The following NEDD4L variants were observed in gnomAD, a reference collection of about 807,000 sequenced individuals.
NEDD4L encodes NEDD4 like E3 ubiquitin protein ligase, also known as E3 ubiquitin-protein ligase NEDD4-like.
NEDD4L carries 54 observed loss-of-function variants against 148.9 expected under a neutral mutation model. The ratio of observed to expected loss-of-function variants is 0.36; its 90% confidence interval spans 0.29 to 0.45. The LOEUF is 0.45. Among genes scored for constraint, NEDD4L ranks in the 20% least tolerant of loss-of-function variants. NEDD4L has a pLI of 1.00. For missense variants in NEDD4L, 856 were observed against 1,233.8 expected (o/e 0.69, Z 4.59); for synonymous variants, 433 against 440.7 (o/e 0.98, Z 0.22).
intron 23 of NEDD4L, chr18:58,371,503 C>T (rs937656773): frequency 2.6e-5 from 4 of 152,192 alleles, no homozygotes; most frequent in Non-Finnish European, 4.4e-5. Flanking sequence ...CTGGGAAGCG[C>T]GTTTGTCCAT....
At chr18:58,341,229 C>T (rs893406217) in intron 14 of NEDD4L, 60 bp downstream of exon 14, 92 of 1,572,922 alleles carry the variant, frequency 5.8e-5, no homozygotes, top group Non-Finnish European at 7.4e-5. Context: ...TGTACATGAC[C>T]GAACTCCTTT....
chr18:58,229,474 C>G (rs1428620573), intron 2 of NEDD4L, among the ~76,000 whole-genome samples: 2 of 152,140 alleles, frequency 1.3e-5, no homozygotes, highest in Admixed American at 6.5e-5. Flanking sequence ...TGGGGGGGAG[C>G]TCATGTCTCT....
In NEDD4L at chr18:58,325,195, A is replaced by C. The variant is rs1442256198; in HGVS notation, c.680+33A>C. 4.3e-6 allele frequency: 7 copies of C among 1,611,536 alleles called. No individual in the cohort carries two copies. In the East Asian group the frequency reaches 1.6e-4, roughly 36 times the overall value. On this transcript the variant is annotated intron_variant, in intron 9 of 30. Transcript: ENST00000400345. ...CCGTGTGATGGTCAGGAACACGTGC[A>C]CGTGCACTGCACAGCTAGGGACAAA...
intron 1 of NEDD4L, among the ~76,000 whole-genome samples, chr18:58,082,030 G>GGAC (rs2083458878): frequency 6.9e-6 from 1 of 144,004 alleles, no homozygotes; most frequent in African/African-American, 2.6e-5. Flanking sequence ...TTGTAATCCA[G>GGAC]GACTAAATAT....
chr18:58,237,846 G>A (rs567097146), intron 2 of NEDD4L, among the ~76,000 whole-genome samples: 2 of 152,278 alleles, frequency 1.3e-5, no homozygotes, highest in Admixed American at 1.3e-4. Flanking sequence ...CCAAGGTTGG[G>A]ACCCTCAAGT....
chr18:58,200,341 T>G (rs1462916052), intron 2 of NEDD4L, among the ~76,000 whole-genome samples: 1 of 152,238 alleles, frequency 6.6e-6, no homozygotes, highest in African/African-American at 2.4e-5. Context: ...TGAAATACTG[T>G]CAACTGGAAG....
chr18:58,063,287 G>T, intron 1 of NEDD4L, among the ~76,000 whole-genome samples: 1 of 151,570 alleles, frequency 6.6e-6, no homozygotes, highest in East Asian at 1.9e-4. Flanking sequence ...GAACTCCTGG[G>T]CTCAGGCAGT....
At chr18:58,281,070 T>C (rs1033683961) in intron 5 of NEDD4L, among the ~76,000 whole-genome samples, 1 of 152,172 alleles carries the variant, frequency 6.6e-6, no homozygotes, top group African/African-American at 2.4e-5. Context: ...CTTGAACTCC[T>C]GGGCTCAAGC....
intron 1 of NEDD4L, among the ~76,000 whole-genome samples, chr18:58,064,165 C>T (rs544384747): frequency 3.3e-5 from 5 of 151,246 alleles, no homozygotes; most frequent in African/African-American, 1.2e-4. Flanking sequence ...GGGGTTTCAC[C>T]GTGTTAGCCA....
At chr18:58,255,829 G>C (rs1303119280) in intron 5 of NEDD4L, 2 of 1,232,520 alleles carry the variant, frequency 1.6e-6, no homozygotes, top group East Asian at 6.3e-5. Context: ...AGGGAGGCGT[G>C]GGTGCGCTTA....
In NEDD4L at chr18:58,366,270, C is replaced by T. The variant is rs371255203; in HGVS notation, c.2063+42C>T. The T allele has an allele frequency of 4.9e-5, 65 of 1,340,146 alleles. No individual in the cohort carries two copies. Among genetic ancestry groups the T allele is most frequent in the Non-Finnish European group, 6.4e-5 (62 of 975,938 alleles). 83.0% of individuals were successfully genotyped at this position (1,340,146 alleles called of 1,614,324 possible). A position where few individuals can be genotyped will look rare whatever the true frequency, so the allele number is the denominator to read the frequency against. ...ACCCAGTGTGTGTCCCCCACTGAGA[C>T]AGTTGTATGAATTTAAACAGAATGA... On this transcript the variant is annotated intron_variant, in intron 21 of 30. Coordinates refer to ENST00000400345, the MANE Select transcript of NEDD4L (RefSeq NM_001144967.3). This position sits in a 1 kb window ranked among gnomAD's most constrained non-coding sequence, Gnocchi z 4.2.
chr18:58,349,709 C>A, intron 17 of NEDD4L, 95 bp downstream of exon 17: 1 of 950,134 alleles, frequency 1.1e-6, no homozygotes, highest in Non-Finnish European at 1.7e-6. Flanking sequence ...TTCTCTATCT[C>A]CAGGCTTTGT....
intron 24 of NEDD4L, among the ~76,000 whole-genome samples, chr18:58,382,551 G>A (rs538387972): frequency 1.3e-3 from 205 of 152,150 alleles, no homozygotes; most frequent in African/African-American, 4.5e-3. Flanking sequence ...AAAATAGTAG[G>A]CCTCTCTCCC....
At chr18:58,379,476 T>C (rs2048039320) in intron 24 of NEDD4L, among the ~76,000 whole-genome samples, 1 of 152,066 alleles carries the variant, frequency 6.6e-6, no homozygotes, top group African/African-American at 2.4e-5. Flanking sequence ...AAGGGACAAA[T>C]TTGGGCGAAA....
intron 2 of NEDD4L, among the ~76,000 whole-genome samples, chr18:58,219,069 A>AT (rs2043457119): frequency 6.6e-6 from 1 of 152,048 alleles, no homozygotes; most frequent in South Asian, 2.1e-4. Context: ...CAGGCTTAAC[A>AT]TTTTTTCATT....
intron 5 of NEDD4L, among the ~76,000 whole-genome samples, chr18:58,262,267 A>G (rs1216168585): frequency 6.6e-6 from 1 of 152,238 alleles, no homozygotes; most frequent in Non-Finnish European, 1.5e-5. Context: ...ATTTTTAGAA[A>G]TAATCTTCGT....
At chr18:58,279,761 G>A (rs1294818714) in intron 5 of NEDD4L, among the ~76,000 whole-genome samples, 1 of 152,210 alleles carries the variant, frequency 6.6e-6, no homozygotes, top group Non-Finnish European at 1.5e-5. Flanking sequence ...CTCTAAATCA[G>A]GAGTGAGCAA....
Position 58,224,250 on chromosome 18 carries a change from C to A in NEDD4L, c.123-21177C>A, listed in dbSNP as rs574194866. Reference sequence around the variant, plus strand: ...TCTGACTAAGGTCAGTGACTGGAAACCCTGTCACGTTATCAGAGGTCATTT... The same window carrying A: ...TCTGACTAAGGTCAGTGACTGGAAAACCTGTCACGTTATCAGAGGTCATTT... On this transcript the variant is annotated intron_variant, in intron 2 of 30. Transcript: ENST00000400345. Among the ~76,000 whole-genome samples the A allele has an allele frequency of 2.0e-5, 3 of 152,328 alleles. No homozygotes were observed. In the South Asian group the frequency reaches 6.2e-4, roughly 32 times the overall value.
At chr18:58,378,591 G>T (rs918820564) in intron 24 of NEDD4L, among the ~76,000 whole-genome samples, 2 of 152,204 alleles carry the variant, frequency 1.3e-5, no homozygotes, top group African/African-American at 4.8e-5. Context: ...CCCTGCTGTC[G>T]GTAGTTGCGC....
Sources: allele counts gnomAD v4.1 joint callset (sites outside exome capture counted in the v4.1 genomes callset), GRCh38; gene constraint gnomAD v4.1.1; non-coding constraint Gnocchi (gnomAD v3.1); transcripts MANE v1.5; gene names NCBI Gene and HGNC (gene_info 2026-07-23, HGNC 2026-07-21).